The following FAM111B variants were observed in gnomAD, a reference collection of about 807,000 sequenced individuals.
FAM111B encodes the protein serine protease FAM111B.
In FAM111B, 1 loss-of-function variant was observed where a neutral mutation model predicts 2.8. That is an observed-to-expected ratio of 0.36 (90% CI 0.13 to 1.70). The LOEUF is 1.70. Among genes scored for constraint, FAM111B ranks in the 40% most tolerant of loss-of-function variants. FAM111B has a pLI of 0.35. For synonymous variants in FAM111B, 297 were observed against 295.6 expected, an observed-to-expected ratio of 1.00 and a Z score of -0.05; for missense variants, 882 against 878.9, an observed-to-expected ratio of 1.00 and a Z score of -0.04.
At chr11:59,113,942 T>C (rs1349493232) in intron 3 of FAM111B, among the ~76,000 whole-genome samples, 1 of 152,202 alleles carries the variant, frequency 6.6e-6, no homozygotes, top group Non-Finnish European at 1.5e-5. Flanking sequence ...GGACTAGGCA[T>C]GTGAAAGAAG....
Position 59,109,567 on chromosome 11 carries a change from T to C in FAM111B, c.-59T>C, listed in dbSNP as rs1404223046. Reference sequence around the variant, plus strand: ...ATTTCAGGTGGCAGAATAAATTCAATCCTTGTTTCTCCATCTTATCGAGTA... The same window carrying C: ...ATTTCAGGTGGCAGAATAAATTCAACCCTTGTTTCTCCATCTTATCGAGTA... On this transcript the variant is annotated 5_prime_UTR_variant, in exon 3 of 4. Coordinates refer to ENST00000343597, the MANE Select transcript of FAM111B (RefSeq NM_198947.4). 4 of 1,214,816 alleles carry C rather than the reference T, an allele frequency of 3.3e-6. No homozygotes were observed. Among genetic ancestry groups the C allele is most frequent in the Non-Finnish European group, 4.6e-6 (4 of 862,938 alleles). 75.3% of individuals were successfully genotyped at this position (1,214,816 alleles called of 1,614,324 possible).
At chr11:59,109,233 C>T (rs1277029396) in intron 2 of FAM111B, among the ~76,000 whole-genome samples, 4 of 152,184 alleles carry the variant, frequency 2.6e-5, no homozygotes, top group African/African-American at 9.7e-5. Context: ...AAGGGATACC[C>T]ACTGCAGATC....
Position 59,126,274 on chromosome 11 carries a change from A to G in FAM111B, c.2177A>G (p.Asp726Gly). 3 of 1,562,570 alleles carry G rather than the reference A, an allele frequency of 1.9e-6. No individual in the cohort carries two copies. Among genetic ancestry groups the G allele is most frequent in the Non-Finnish European group, 2.6e-6 (3 of 1,159,840 alleles). ...EKGKQESSLQ[D>G]HQIEPMEC ...GGTAAACAAGAGTCATCACTTCAAG[A>G]TCATCAGATTGAACCCATGGAATGT... Residue 726 changes from aspartate (D) to glycine (G), a missense_variant, in exon 4 of 4, where the codon GAT becomes GGT. Coordinates refer to ENST00000343597, the MANE Select transcript of FAM111B (RefSeq NM_198947.4).
At chr11:59,112,176 C>T (rs1442271155) in intron 3 of FAM111B, among the ~76,000 whole-genome samples, 1 of 152,162 alleles carries the variant, frequency 6.6e-6, no homozygotes, top group Non-Finnish European at 1.5e-5. Context: ...GTGCCCTATT[C>T]ATCCCAGTCC....
At chr11:59,120,053 T>A (rs1229393956) in intron 3 of FAM111B, among the ~76,000 whole-genome samples, 1 of 152,140 alleles carries the variant, frequency 6.6e-6, no homozygotes, top group Non-Finnish European at 1.5e-5. Context: ...AATGTAATCA[T>A]CAAAAATTAT....
At chr11:59,111,365 A>T (rs544504252) in intron 3 of FAM111B, among the ~76,000 whole-genome samples, 1 of 152,274 alleles carries the variant, frequency 6.6e-6, no homozygotes, top group East Asian at 1.9e-4. Context: ...AAATAGCTGC[A>T]GTATCTTTTT....
intron 3 of FAM111B, among the ~76,000 whole-genome samples, chr11:59,111,287 G>A (rs890916766): frequency 6.6e-6 from 1 of 152,190 alleles, no homozygotes; most frequent in Non-Finnish European, 1.5e-5. Flanking sequence ...TTCTTAAGCT[G>A]TCATGAATTC....
At chr11:59,123,442 G>A (rs1447927163) in intron 3 of FAM111B, among the ~76,000 whole-genome samples, 1 of 152,190 alleles carries the variant, frequency 6.6e-6, no homozygotes, top group Non-Finnish European at 1.5e-5. Context: ...CTGGAAGGCA[G>A]TTAGGCAGAA....
rs756609555 is a variant in FAM111B at position 59,109,682 on chromosome 11, G to A, written c.57G>A (p.Gln19=). 32 of 1,612,224 alleles carry A rather than the reference G, an allele frequency of 2.0e-5. No individual in the cohort carries two copies. The South Asian group carries it at 3.2e-4, about 16-fold the overall frequency. Residue 19 remains glutamine (Q), a synonymous_variant, in exon 3 of 4, where the codon CAG becomes CAA. Coordinates refer to ENST00000343597, the MANE Select transcript of FAM111B (RefSeq NM_198947.4). ...CATTTAGCGCTATGGAAGATGACCA[G>A]AGGACTAGACCTGAAGTTTCAAAGG... is the stretch of plus-strand genomic sequence containing the variant. ...NKSFSAMEDD[Q]RTRPEVSKDT...
chr11:59,114,019 A>C (rs1859803072), intron 3 of FAM111B, among the ~76,000 whole-genome samples: 1 of 152,246 alleles, frequency 6.6e-6, no homozygotes, highest in African/African-American at 2.4e-5. Context: ...GGAAACAGAC[A>C]AATAGAAAGT....
At chr11:59,121,752 C>A (rs1859926083) in intron 3 of FAM111B, among the ~76,000 whole-genome samples, 1 of 152,140 alleles carries the variant, frequency 6.6e-6, no homozygotes, top group Non-Finnish European at 1.5e-5. Flanking sequence ...ATTAGAAAAA[C>A]CCCAGAAATA....
intron 3 of FAM111B, 149 bp from the exon 4 acceptor site, chr11:59,124,030 T>G: frequency 4.0e-6 from 2 of 504,426 alleles, no homozygotes; most frequent in Non-Finnish European, 6.7e-6. Flanking sequence ...TCTAAATTGA[T>G]AGAATAGTGA....
At chr11:59,111,835 G>A (rs1480272092) in intron 3 of FAM111B, among the ~76,000 whole-genome samples, 1 of 151,992 alleles carries the variant, frequency 6.6e-6, no homozygotes, top group African/African-American at 2.4e-5. Context: ...TCAAAGTAAA[G>A]GAGGCAACAA....
chr11:59,109,440 T>C, intron 2 of FAM111B, 100 bp from the exon 3 acceptor site: 1 of 477,020 alleles, frequency 2.1e-6, no homozygotes, highest in Admixed American at 3.6e-5. Context: ...TTACCTCATA[T>C]GATTTTCTTC....
intron 1 of FAM111B, among the ~76,000 whole-genome samples, chr11:59,107,679 T>C (rs1017358372): frequency 5.9e-4 from 89 of 152,046 alleles, no homozygotes; most frequent in South Asian, 2.1e-4. Flanking sequence ...TGAGGGTGCT[T>C]CTTAAGGTCT....
chr11:59,123,325 T>A (rs1372073826), intron 3 of FAM111B, among the ~76,000 whole-genome samples: 1 of 152,146 alleles, frequency 6.6e-6, no homozygotes, highest in Non-Finnish European at 1.5e-5. Flanking sequence ...AATTGGCAAA[T>A]ATTTAAAATA....
At chr11:59,114,383 AAC>A (rs1489570836) in intron 3 of FAM111B, among the ~76,000 whole-genome samples, 1 of 152,124 alleles carries the variant, frequency 6.6e-6, no homozygotes, top group Non-Finnish European at 1.5e-5. Flanking sequence ...CTATTCCAAA[AAC>A]ATCCAGGCTA....
At chr11:59,109,477 C>T in intron 2 of FAM111B, 63 bp from the exon 3 acceptor site, 2 of 543,714 alleles carry the variant, frequency 3.7e-6, no homozygotes, top group East Asian at 6.0e-5. Flanking sequence ...AGGTCCCACA[C>T]CACCTGATCT....
At position 59,125,684 on chromosome 11, in the gene FAM111B, G is replaced by A; in HGVS notation, c.1587G>A (p.Trp529Ter). 6.2e-7 allele frequency: 1 copy of A among 1,613,788 alleles called. No individual in the cohort carries two copies. Among genetic ancestry groups the A allele is most frequent in the African/African-American group, 1.3e-5 (1 of 75,004 alleles). The change falls in exon 4 of 4, where the codon TGG becomes TGA. Residue 529 changes from tryptophan to a stop codon, truncating the protein, a stop_gained. Coordinates refer to ENST00000343597, the MANE Select transcript of FAM111B (RefSeq NM_198947.4). LOFTEE classifies it low-confidence loss of function (END_TRUNC). ...AGTTCTGCCCTACTCCTGACAATTG[G>A]TTTTCCATTGAGCCATGGCTTAAAG... ...YTEFCPTPDN[W>*]FSIEPWLKVS...
Sources: allele counts gnomAD v4.1 joint callset (sites outside exome capture counted in the v4.1 genomes callset), GRCh38; gene constraint gnomAD v4.1.1; transcripts MANE v1.5; gene names NCBI Gene and HGNC (gene_info 2026-07-23, HGNC 2026-07-21).